Variants in SPTBN2 observed in about 807,000 individuals in gnomAD.
SPTBN2 encodes the protein spectrin beta chain, non-erythrocytic 2.
A neutral mutation model predicts 284.2 loss-of-function variants in SPTBN2; 107 were observed. That is an observed-to-expected ratio of 0.38 (90% confidence interval 0.32 to 0.44). SPTBN2 has a LOEUF of 0.44. Ranked by LOEUF, SPTBN2 falls within the 20% of genes least tolerant of loss-of-function variation. The pLI, the probability that SPTBN2 is intolerant of heterozygous loss-of-function variation, is 1.00. For missense variants in SPTBN2, 2,569 were observed against 3,287.1 expected (o/e 0.78, Z 5.34); for synonymous variants, 1,289 against 1,354.8 (o/e 0.95, Z 1.07).
intron 20 of SPTBN2, 144 bp from the exon 21 acceptor site, chr11:66,696,684 C>G: frequency 8.6e-7 from 1 of 1,158,982 alleles, no homozygotes; most frequent in Non-Finnish European, 1.3e-6. Context: ...TCGACACACT[C>G]TTCACGGAGG....
intron 1 of SPTBN2, among the ~76,000 whole-genome samples, chr11:66,724,907 A>G (rs1340768948): frequency 6.6e-6 from 1 of 152,186 alleles, no homozygotes; most frequent in East Asian, 1.9e-4. Context: ...GGTAGGAAGT[A>G]GGGCTCAGGA....
At chr11:66,720,951 G>A (rs1215043801) in intron 3 of SPTBN2, 133 bp downstream of exon 3, 2 of 1,223,800 alleles carry the variant, frequency 1.6e-6, no homozygotes, top group African/African-American at 1.5e-5. Context: ...GGGGACCAGG[G>A]AATTGATAGA....
chr11:66,737,208 G>A (rs1942856309), intron 1 of SPTBN2, among the ~76,000 whole-genome samples: 1 of 152,026 alleles, frequency 6.6e-6, no homozygotes, highest in Non-Finnish European at 1.5e-5. Context: ...TGCATAAAAT[G>A]TTAAAGGGGG....
Position 66,698,659 on chromosome 11 carries a change from A to G in SPTBN2, c.3994T>C (p.Trp1332Arg), listed in dbSNP as rs751456503. 3 of 1,614,228 alleles carry G rather than the reference A, an allele frequency of 1.9e-6. No individual in the cohort carries two copies. Among genetic ancestry groups the G allele is most frequent in the Non-Finnish European group, 2.5e-6 (3 of 1,180,042 alleles). Reference sequence around the variant, plus strand: ...CTCACCTTGTCCACCTTGTCCAGCCAGTCTTTGTTGGCAGCCAGCTCGGCC... The same window carrying G: ...CTCACCTTGTCCACCTTGTCCAGCCGGTCTTTGTTGGCAGCCAGCTCGGCC... ...FMAELAANKD[W>R]LDKVDKEGRE... The change falls in exon 20 of 38, where the codon TGG (tryptophan) becomes CGG (arginine). Residue 1332 changes from tryptophan (W) to arginine (R), a missense_variant. Coordinates refer to ENST00000533211, the MANE Select transcript of SPTBN2 (RefSeq NM_006946.4).
Position 66,707,972 on chromosome 11 carries a change from C to T in SPTBN2, c.1351-154G>A, listed in dbSNP as rs1487405514. Among the ~76,000 whole-genome samples the T allele has an allele frequency of 6.6e-6, 1 of 152,312 alleles. No individual in the cohort carries two copies. Among genetic ancestry groups the T allele is most frequent in the South Asian group, 2.1e-4 (1 of 4,826 alleles). On this transcript the variant is annotated intron_variant, in intron 12 of 37. Coordinates refer to ENST00000533211, the MANE Select transcript of SPTBN2 (RefSeq NM_006946.4). This position sits in a 1 kb window ranked among gnomAD's most constrained non-coding sequence, Gnocchi z 4.9. ...CCCACCCCCATCCTGTCTCACCAAC[C>T]CTCTCTCCTGTCCCACCCTCTGGCC...
intron 1 of SPTBN2, among the ~76,000 whole-genome samples, chr11:66,724,648 ACTGCTTAGG>A (rs1219187357): frequency 6.6e-6 from 1 of 152,184 alleles, no homozygotes; most frequent in Non-Finnish European, 1.5e-5. Context: ...CTAAACATGG[ACTGCTTAGG>A]CTTATCTTTG....
At chr11:66,725,728 G>A (rs967891572) in intron 1 of SPTBN2, among the ~76,000 whole-genome samples, 7 of 152,306 alleles carry the variant, frequency 4.6e-5, no homozygotes, top group Non-Finnish European at 7.4e-5. Flanking sequence ...GCCAACCCCC[G>A]CCGGCTGCAG....
intron 1 of SPTBN2, among the ~76,000 whole-genome samples, chr11:66,735,607 G>C (rs938182991): frequency 2.6e-5 from 4 of 152,162 alleles, no homozygotes; most frequent in African/African-American, 9.7e-5. Context: ...AGATACTTGG[G>C]TGGTAGAGGT....
chr11:66,686,707 G>A (rs1462405532), intron 36 of SPTBN2: 4 of 628,026 alleles, frequency 6.4e-6, no homozygotes, highest in African/African-American at 1.8e-5. Flanking sequence ...GCAGGGACAG[G>A]CCCCTGGAGG....
chr11:66,698,654 C>T lies in SPTBN2; in HGVS notation c.3999G>A (p.Leu1333=), dbSNP rs147660968. ...CACTGCTCACCTTGTCCACCTTGTC[C>T]AGCCAGTCTTTGTTGGCAGCCAGCT... The part of the protein sequence containing the change: ...MAELAANKDW[L]DKVDKEGREL... Residue 1333 remains leucine (L), a synonymous_variant, in exon 20 of 38, where the codon CTG becomes CTA. Transcript: ENST00000533211. 2.0e-5 allele frequency: 33 copies of T among 1,614,118 alleles called. No individual in the cohort carries two copies. Among genetic ancestry groups the T allele is most frequent in the African/African-American group, 1.3e-5 (1 of 74,948 alleles).
At chr11:66,742,157 T>TCA in intron 1 of SPTBN2, among the ~76,000 whole-genome samples, 1 of 152,320 alleles carries the variant, frequency 6.6e-6, no homozygotes, top group East Asian at 1.9e-4. Context: ...CTCATTTTTA[T>TCA]CATTTCTAAA....
intron 1 of SPTBN2, among the ~76,000 whole-genome samples, chr11:66,726,631 C>T (rs540648784): frequency 6.6e-6 from 1 of 152,140 alleles, no homozygotes; most frequent in South Asian, 2.1e-4. Context: ...GGAGCTCAGG[C>T]GATGGGAGAG....
rs140939152 is a variant in SPTBN2, at chr11:66,689,267, ATTTCTTTC to A, written c.5950-95_5950-88del. Reference sequence around the variant, plus strand: ...GGGGAGTCATCCAGGGGGACAGGTGATTTCTTTCTTTCTTTCTTTTTTTTGAGACGGAG... The same window carrying A: ...GGGGAGTCATCCAGGGGGACAGGTGATTTCTTTCTTTTTTTTGAGACGGAG... On this transcript the variant is annotated intron_variant, in intron 29 of 37. Coordinates refer to ENST00000533211, the MANE Select transcript of SPTBN2 (RefSeq NM_006946.4). 1,033 of 1,335,724 alleles carry A rather than the reference ATTTCTTTC, an allele frequency of 7.7e-4. 1 individual carries two copies. The highest frequency in any genetic ancestry group is 1.0e-3 in the Non-Finnish European group (1,002 of 966,978). The allele number at this position is 1,335,724 out of a possible 1,614,324, so 82.7% of individuals were successfully genotyped here. A position where few individuals can be genotyped will look rare whatever the true frequency, so the allele number is the denominator to read the frequency against.
Position 66,704,001 on chromosome 11 carries a change from CTCGCTCTG to C in SPTBN2, c.2678+589_2678+596del, listed in dbSNP as rs1338033764. Among the ~76,000 whole-genome samples the C allele has an allele frequency of 1.5e-4, 18 of 123,078 alleles. No homozygotes were observed. The Admixed American group carries it at 1.8e-3, about 12-fold the overall frequency. The allele number at this position is 123,078 out of a possible 152,430, so 80.7% of individuals were successfully genotyped here. ...TTTTTTTTTTTTTTTTTGAGACAGTCTCGCTCTGTCGCCAAGGCTGGAGAGCAGTGGCA... is the reference window on the plus strand; with the variant it reads ...TTTTTTTTTTTTTTTTTGAGACAGTCTCGCCAAGGCTGGAGAGCAGTGGCA... On this transcript the variant is annotated intron_variant, in intron 15 of 37. Transcript: ENST00000533211.
In SPTBN2 at chr11:66,689,948, G is replaced by A. The variant is rs370483753; in HGVS notation, c.5811-5C>T. On this transcript the variant is annotated splice_polypyrimidine_tract_variant and splice_region_variant and intron_variant, in intron 28 of 37. Coordinates refer to ENST00000533211, the MANE Select transcript of SPTBN2 (RefSeq NM_006946.4). ...AGATCCGCGGAGGACACATCCCTGG[G>A]GGGAGGCAGAAACAGCATCACCTGC... The A allele has an allele frequency of 2.5e-5, 40 of 1,613,662 alleles. No individual in the cohort carries two copies. The highest frequency in any genetic ancestry group is 3.3e-5 in the Admixed American group (2 of 59,984).
At chr11:66,739,304 A>C (rs905816738) in intron 1 of SPTBN2, among the ~76,000 whole-genome samples, 5 of 152,230 alleles carry the variant, frequency 3.3e-5, no homozygotes, top group Non-Finnish European at 7.3e-5. Context: ...CTAGCTTTAA[A>C]GACTGTACAC....
chr11:66,690,233 T>C lies in SPTBN2; in HGVS notation c.5616A>G (p.Gly1872=). The C allele has an allele frequency of 6.2e-7, 1 of 1,613,340 alleles. No individual in the cohort carries two copies. The highest frequency in any genetic ancestry group is 8.5e-7 in the Non-Finnish European group (1 of 1,179,722). The change falls in exon 28 of 38, where the codon GGA becomes GGG. Residue 1872 remains glycine, a synonymous_variant. Transcript: ENST00000533211. ...GGCGGCCGATCTCCTCAGCCTTGTC[T>C]CCAGCGTAGGCCTTCTGGAGCCGGT... The part of the protein sequence containing the change: ...DGHRLQKAYA[G]DKAEEIGRHM...
intron 20 of SPTBN2, among the ~76,000 whole-genome samples, chr11:66,696,934 T>G (rs1042678091): frequency 6.6e-6 from 1 of 152,174 alleles, no homozygotes; most frequent in Non-Finnish European, 1.5e-5. Flanking sequence ...CCACCTGGTT[T>G]CCCCACTTCC....
intron 15 of SPTBN2, among the ~76,000 whole-genome samples, chr11:66,703,038 T>TAGG (rs1941334768): frequency 1.3e-5 from 2 of 151,756 alleles, no homozygotes; most frequent in African/African-American, 4.8e-5. Context: ...ACCTCTACAT[T>TAGG]AGGATACCTT....
Sources: gnomAD v4.1 joint callset for allele counts (sites outside exome capture counted in the v4.1 genomes callset) on GRCh38, gnomAD v4.1.1 for gene constraint, Gnocchi (gnomAD v3.1) non-coding constraint, MANE v1.5 for transcripts, NCBI Gene and HGNC (gene_info 2026-07-23, HGNC 2026-07-21) for gene names.